Variants in NFX1 observed in about 807,000 individuals in gnomAD.
NFX1 encodes the protein transcriptional repressor NF-X1.
A neutral mutation model predicts 137.2 loss-of-function variants in NFX1; 69 were observed. The observed-to-expected ratio is 0.50, with a 90% CI of 0.41 to 0.61. The LOEUF is 0.61. NFX1 is among the 20% of genes least tolerant of loss of function. The pLI, the probability that NFX1 is intolerant of heterozygous loss-of-function variation, is 0.00. For missense variants in NFX1, 1,167 were observed against 1,391.0 expected (o/e 0.84, Z 2.56); for synonymous variants, 495 against 474.1 (o/e 1.04, Z -0.57).
chr9:33,294,275 C>T (rs368490577), intron 1 of NFX1, 145 bp from the exon 2 acceptor site: 5 of 749,338 alleles, frequency 6.7e-6, no homozygotes, highest in Non-Finnish European at 1.1e-5. Flanking sequence ...GAACCCATCA[C>T]CTTCACTGGA....
chr9:33,331,725 G>C (rs960536763), intron 10 of NFX1, among the ~76,000 whole-genome samples: 1 of 144,180 alleles, frequency 6.9e-6, no homozygotes. Flanking sequence ...TAATTTTTAC[G>C]AAGAGGGGAC....
intron 19 of NFX1, among the ~76,000 whole-genome samples, chr9:33,360,125 G>A (rs544605558): frequency 2.0e-4 from 31 of 152,276 alleles, no homozygotes; most frequent in African/African-American, 7.2e-4. Flanking sequence ...GGAGTCCTAG[G>A]TATTCAGAAA....
intron 1 of NFX1, among the ~76,000 whole-genome samples, chr9:33,293,152 T>G (rs1821223097): frequency 6.6e-6 from 1 of 152,250 alleles, no homozygotes; most frequent in Non-Finnish European, 1.5e-5. Flanking sequence ...ATACACAAAC[T>G]GAGTTGGAAC....
chr9:33,366,606 AG>A, intron 21 of NFX1, 22 bp from the exon 22 acceptor site: 2 of 1,612,554 alleles, frequency 1.2e-6, no homozygotes, highest in Non-Finnish European at 1.7e-6. Flanking sequence ...ATGATCAATC[AG>A]TCATCTTTTC....
chr9:33,302,898 G>T (rs1777665142), intron 3 of NFX1, among the ~76,000 whole-genome samples: 1 of 149,670 alleles, frequency 6.7e-6, no homozygotes. Flanking sequence ...TCAATCTCCT[G>T]ACCTTGTGAT....
chr9:33,323,467 G>T (rs1306332375), intron 9 of NFX1, among the ~76,000 whole-genome samples: 1 of 152,106 alleles, frequency 6.6e-6, no homozygotes, highest in Non-Finnish European at 1.5e-5. Flanking sequence ...TATGTTCAAA[G>T]AACTGGGCCA....
intron 19 of NFX1, among the ~76,000 whole-genome samples, chr9:33,359,020 C>T (rs1398960277): frequency 1.3e-5 from 2 of 151,754 alleles, no homozygotes; most frequent in East Asian, 1.9e-4. Flanking sequence ...TTTCTAATTG[C>T]TTGTTGCTGG....
Position 33,348,868 on chromosome 9 carries a change from C to A in NFX1, c.2424+1751C>A, listed in dbSNP as rs370968003. ...GATGATACTGTTTGCTACATTCCAA[C>A]TGTCCTATACCAAAAAAAAAAAGAT... On this transcript the variant is annotated intron_variant, in intron 15 of 23. Coordinates refer to ENST00000379540, the MANE Select transcript of NFX1 (RefSeq NM_002504.6). 138 of 778,174 alleles carry A rather than the reference C, an allele frequency of 1.8e-4. 3 individuals are homozygous for A. The African/African-American group carries it at 2.5e-3, about 14-fold the overall frequency. 48.2% of individuals were successfully genotyped at this position (778,174 alleles called of 1,614,324 possible). A position where few individuals can be genotyped will look rare whatever the true frequency, so the allele number is the denominator to read the frequency against.
In NFX1 at chr9:33,303,186, G is replaced by T; in HGVS notation, c.1193-5G>T. ...TATTTGGCCTACTCCCATTTTTCCT[G>T]ACAGATGGCCAGAGTGGTTGGAGGT... On this transcript the variant is annotated splice_polypyrimidine_tract_variant and splice_region_variant and intron_variant, in intron 3 of 23. Transcript: ENST00000379540. 1 of 1,613,206 alleles carries T rather than the reference G, an allele frequency of 6.2e-7. No individual in the cohort carries two copies. Among genetic ancestry groups the T allele is most frequent in the South Asian group, 1.1e-5 (1 of 90,952 alleles).
intron 16 of NFX1, chr9:33,352,379 A>C (rs1208701192): frequency 1.7e-6 from 1 of 573,436 alleles, no homozygotes; most frequent in African/African-American, 1.8e-5. Flanking sequence ...CTGATGGTAC[A>C]AACTTCATCC....
chr9:33,321,059 G>T (rs1211470817), intron 9 of NFX1, among the ~76,000 whole-genome samples: 1 of 152,138 alleles, frequency 6.6e-6, no homozygotes, highest in African/African-American at 2.4e-5. Flanking sequence ...CAAATGACTA[G>T]TAAATCAAAT....
At chr9:33,367,278 G>A (rs1423268664) in intron 22 of NFX1, among the ~76,000 whole-genome samples, 1 of 152,168 alleles carries the variant, frequency 6.6e-6, no homozygotes, top group African/African-American at 2.4e-5. Context: ...CTGGGAATAG[G>A]AAGAACTTGC....
intron 9 of NFX1, 116 bp downstream of exon 9, chr9:33,319,243 T>C (rs1822293322): frequency 1.2e-6 from 1 of 842,334 alleles, no homozygotes; most frequent in Non-Finnish European, 1.8e-6. Flanking sequence ...TTTCTAAATA[T>C]TATGATCATA....
At chr9:33,300,266 T>C (rs1821507814) in intron 2 of NFX1, among the ~76,000 whole-genome samples, 1 of 151,894 alleles carries the variant, frequency 6.6e-6, no homozygotes, top group African/African-American at 2.4e-5. Flanking sequence ...GGTTTCACCA[T>C]GTTGGCCAGG....
chr9:33,333,292 G>A (rs1822881298), intron 11 of NFX1, among the ~76,000 whole-genome samples: 1 of 152,218 alleles, frequency 6.6e-6, no homozygotes, highest in African/African-American at 2.4e-5. Flanking sequence ...GCTTCTGGAT[G>A]CAGGTAACAA....
intron 11 of NFX1, among the ~76,000 whole-genome samples, chr9:33,333,165 C>T (rs912453245): frequency 3.9e-5 from 6 of 152,078 alleles, no homozygotes; most frequent in Non-Finnish European, 7.4e-5. Flanking sequence ...TTTTTATAAC[C>T]GACACATACT....
At position 33,370,201 on chromosome 9, in the gene NFX1, G is replaced by A. The variant is rs185498204; in HGVS notation, c.*223G>A. The A allele has an allele frequency of 1.3e-5, 6 of 446,198 alleles. No homozygotes were observed. In the Admixed American group the frequency reaches 1.7e-4, roughly 12 times the overall value. The allele number at this position is 446,198 out of a possible 1,614,324, so 27.6% of individuals were successfully genotyped here. A position where few individuals can be genotyped will look rare whatever the true frequency, so the allele number is the denominator to read the frequency against. ...AGATCTCTGATTGTATGGTCACTAG[G>A]TATGCAATCACGCATTCAAAGAGGC... On this transcript the variant is annotated 3_prime_UTR_variant, in exon 24 of 24. Transcript: ENST00000379540.
At chr9:33,310,488 G>A (rs1821923410) in intron 5 of NFX1, among the ~76,000 whole-genome samples, 1 of 152,080 alleles carries the variant, frequency 6.6e-6, no homozygotes, top group South Asian at 2.1e-4. Context: ...TCCTAAAATA[G>A]CATTTTTCAG....
At chr9:33,359,597 T>C (rs1422922391) in intron 19 of NFX1, among the ~76,000 whole-genome samples, 2 of 150,932 alleles carry the variant, frequency 1.3e-5, no homozygotes, top group Non-Finnish European at 3.0e-5. Flanking sequence ...AGACTCAGTC[T>C]CACCAAAAAA....
Sources: allele counts gnomAD v4.1 joint callset (sites outside exome capture counted in the v4.1 genomes callset), GRCh38; gene constraint gnomAD v4.1.1; transcripts MANE v1.5; gene names NCBI Gene and HGNC (gene_info 2026-07-23, HGNC 2026-07-21).